The following KCNQ1 variants were observed in gnomAD, a reference collection of about 807,000 sequenced individuals.
KCNQ1 encodes the protein potassium voltage-gated channel subfamily Q member 1.
Under a neutral mutation model 72.4 loss-of-function variants are expected in KCNQ1, and 49 were observed. The ratio of observed to expected loss-of-function variants is 0.68; its 90% CI spans 0.54 to 0.86. The LOEUF is 0.86. Among genes scored for constraint, KCNQ1 ranks in the 40% least tolerant of loss-of-function variants. The probability of loss-of-function intolerance (pLI) is 0.00; values close to 1 mark genes in which losing one functional copy is unlikely to be tolerated. For missense variants in KCNQ1, 790 were observed against 945.1 expected (o/e 0.84, Z 2.15); for synonymous variants, 450 against 412.6 (o/e 1.09, Z -1.10).
intron 15 of KCNQ1, among the ~76,000 whole-genome samples, chr11:2,780,889 G>C (rs1846811323): frequency 6.6e-6 from 1 of 152,172 alleles, no homozygotes. Context: ...TGACAGTGCA[G>C]TGTCTGCTCC....
rs1344170569 is a variant in KCNQ1 at position 2,538,203 on chromosome 11, G to T, written c.477+10185G>T. On this transcript the variant is annotated intron_variant, in intron 2 of 15. Transcript: ENST00000155840. The surrounding 1 kb of genome is among the most constrained non-coding windows in gnomAD (Gnocchi z 6.7). ...CTCGTCACTGGTCCCAGTGAGTGTGGCTGGTTTTTTCTCATTGCACATGGC... is the reference window on the plus strand; with the variant it reads ...CTCGTCACTGGTCCCAGTGAGTGTGTCTGGTTTTTTCTCATTGCACATGGC... 6.6e-6 allele frequency among the ~76,000 whole-genome samples: 1 copy of T among 152,226 alleles called. No homozygotes were observed. The highest frequency in any genetic ancestry group is 1.9e-4 in the East Asian group (1 of 5,196).
rs1445305144 is a variant in KCNQ1, at chr11:2,483,096, T to G, written c.386+37612T>G. Among the ~76,000 whole-genome samples the G allele has an allele frequency of 1.3e-5, 2 of 152,126 alleles. No individual in the cohort carries two copies. Among genetic ancestry groups the G allele is most frequent in the Non-Finnish European group, 2.9e-5 (2 of 68,020 alleles). ...TGGAATTGAGGGAGTGGGTGGTGTG[T>G]GCTTCTGCAGGAAGAGCACCCAGAC... On this transcript the variant is annotated intron_variant, in intron 1 of 15. Coordinates refer to ENST00000155840, the MANE Select transcript of KCNQ1 (RefSeq NM_000218.3). The surrounding 1 kb of genome is among the most constrained non-coding windows in gnomAD (Gnocchi z 6.1).
chr11:2,453,129 T>G (rs1270828177), intron 1 of KCNQ1, among the ~76,000 whole-genome samples: 2 of 152,190 alleles, frequency 1.3e-5, no homozygotes, highest in African/African-American at 4.8e-5. Context: ...ATCCCAGCAC[T>G]TTGGGAGGCC....
chr11:2,464,660 G>A lies in KCNQ1; in HGVS notation c.386+19176G>A, dbSNP rs1846326492. On this transcript the variant is annotated intron_variant, in intron 1 of 15. Transcript: ENST00000155840. The surrounding 1 kb of genome is among the most constrained non-coding windows in gnomAD (Gnocchi z 5.0). ...GGGGGGGTGGGCAGTGCCTCTGTGT[G>A]GCAGATTCCAGCTTCTCTCAGGGGC... Among the ~76,000 whole-genome samples the A allele has an allele frequency of 6.6e-6, 1 of 152,150 alleles. No homozygotes were observed. The highest frequency in any genetic ancestry group is 2.4e-5 in the African/African-American group (1 of 41,426).
rs1815881935 is a variant in KCNQ1 at position 2,762,203 on chromosome 11, T to A, written c.1515-6641T>A. Among the ~76,000 whole-genome samples, 1 of 152,186 alleles carries A rather than the reference T, an allele frequency of 6.6e-6. No homozygotes were observed. The highest frequency in any genetic ancestry group is 2.1e-4 in the South Asian group (1 of 4,834). ...TGGGAGGGGGGCCTTCATGAGACCA[T>A]CACGGAGATCTTGGGGCCTCCAATT... On this transcript the variant is annotated intron_variant, in intron 11 of 15. Transcript: ENST00000155840. The surrounding 1 kb of genome is among the most constrained non-coding windows in gnomAD (Gnocchi z 4.3).
Position 2,768,757 on chromosome 11 carries a change from G to T in KCNQ1, c.1515-87G>T. On this transcript the variant is annotated intron_variant, in intron 11 of 15. Transcript: ENST00000155840. This position sits in a 1 kb window ranked among gnomAD's most constrained non-coding sequence, Gnocchi z 6.7. ...CCTTGTTTCTGGAAGGATCCAGTCT[G>T]CGTGCTCCTCAGGCAGTGCAGGGGC... 1 of 982,210 alleles carries T rather than the reference G, an allele frequency of 1.0e-6. No individual in the cohort carries two copies. Among genetic ancestry groups the T allele is most frequent in the Non-Finnish European group, 1.7e-6 (1 of 605,002 alleles). The allele number at this position is 982,210 out of a possible 1,614,324, so 60.8% of individuals were successfully genotyped here.
At chr11:2,648,181 G>A (rs1849696450) in intron 10 of KCNQ1, 1 of 394,560 alleles carries the variant, frequency 2.5e-6, no homozygotes. Context: ...CTCTAGCCTG[G>A]GTGACAGAGT....
chr11:2,493,767 G>T lies in KCNQ1; in HGVS notation c.387-34161G>T, dbSNP rs560298309. Among the ~76,000 whole-genome samples, 7 of 152,170 alleles carry T rather than the reference G, an allele frequency of 4.6e-5. No individual in the cohort carries two copies. The highest frequency in any genetic ancestry group is 7.4e-5 in the Non-Finnish European group (5 of 68,024). ...TTACTATAGCCTTGTAGTATAGTTT[G>T]AAGTCAGGTAGTGTGATGCCTCCAG... On this transcript the variant is annotated intron_variant, in intron 1 of 15. Transcript: ENST00000155840. The surrounding 1 kb of genome is among the most constrained non-coding windows in gnomAD (Gnocchi z 5.3).
chr11:2,628,997 G>A (rs1439062692), intron 10 of KCNQ1: 6 of 398,022 alleles, frequency 1.5e-5, no homozygotes, highest in African/African-American at 1.2e-4. Flanking sequence ...CCATAACTTT[G>A]AAATATAATT....
At chr11:2,717,038 C>A (rs954851205) in intron 11 of KCNQ1, among the ~76,000 whole-genome samples, 2 of 152,184 alleles carry the variant, frequency 1.3e-5, no homozygotes, top group African/African-American at 4.8e-5. Flanking sequence ...TGACAAACAG[C>A]CCCCCAGATG....
At chr11:2,631,186 A>G in intron 10 of KCNQ1, 3 of 398,404 alleles carry the variant, frequency 7.5e-6, no homozygotes, top group Admixed American at 4.4e-5. Flanking sequence ...TCTACCCTTT[A>G]CCTCTCTACT....
intron 10 of KCNQ1, chr11:2,640,733 G>A (rs914590589): frequency 2.5e-6 from 1 of 398,014 alleles, no homozygotes; most frequent in Non-Finnish European, 4.4e-6. Context: ...ACATTATATT[G>A]TTAAATATAG....
intron 11 of KCNQ1, among the ~76,000 whole-genome samples, chr11:2,705,195 G>A (rs1850885908): frequency 6.6e-6 from 1 of 152,208 alleles, no homozygotes; most frequent in Admixed American, 6.5e-5. Flanking sequence ...CTCCCAGCCT[G>A]TCCTCACAGG....
Position 2,815,464 on chromosome 11 carries a change from G to A in KCNQ1, c.1795-32303G>A, listed in dbSNP as rs1439119182. ...TCCTGGCCCTGTGGGGTCGGAGGAGGTCCTGGGAGCCCACCTCCTGTAGAT... is the reference window on the plus strand; with the variant it reads ...TCCTGGCCCTGTGGGGTCGGAGGAGATCCTGGGAGCCCACCTCCTGTAGAT... On this transcript the variant is annotated intron_variant, in intron 15 of 15. Coordinates refer to ENST00000155840, the MANE Select transcript of KCNQ1 (RefSeq NM_000218.3). The surrounding 1 kb of genome is among the most constrained non-coding windows in gnomAD (Gnocchi z 5.4). 6.6e-6 allele frequency among the ~76,000 whole-genome samples: 1 copy of A among 152,132 alleles called. No individual in the cohort carries two copies. The highest frequency in any genetic ancestry group is 1.5e-5 in the Non-Finnish European group (1 of 68,010).
intron 2 of KCNQ1, among the ~76,000 whole-genome samples, chr11:2,556,175 G>T (rs4930123): frequency 0.4 from 60,265 of 152,076 alleles, 12,254 homozygotes; most frequent in South Asian, 0.57. Context: ...CCCCCCGGCC[G>T]GCAAGTCCAT....
Position 2,624,921 on chromosome 11 carries a change from A to AT in KCNQ1, c.1393+36075dup, listed in dbSNP as rs143192030. The AT allele has an allele frequency of 0.013, 5,106 of 398,158 alleles. 156 individuals carry two copies. Among genetic ancestry groups the AT allele is most frequent in the East Asian group, 0.079 (2,211 of 28,040 alleles). 24.7% of individuals were successfully genotyped at this position (398,158 alleles called of 1,614,324 possible). A position where few individuals can be genotyped will look rare whatever the true frequency, so the allele number is the denominator to read the frequency against. ...TGTTGTGGCATGTGTCAAAATTTCT[A>AT]TTTTTTTTAAAGCTGAATAATATTA... On this transcript the variant is annotated intron_variant, in intron 10 of 15. Coordinates refer to ENST00000155840, the MANE Select transcript of KCNQ1 (RefSeq NM_000218.3). The surrounding 1 kb of genome is among the most constrained non-coding windows in gnomAD (Gnocchi z 4.9).
rs1848197092 is a variant in KCNQ1 at position 2,563,023 on chromosome 11, T to A, written c.478-7605T>A. ...CCTTTATGTTTTGCAAAAAAATCTA[T>A]ATATTTCATCCAGAGAGACAGGATG... On this transcript the variant is annotated intron_variant, in intron 2 of 15. Coordinates refer to ENST00000155840, the MANE Select transcript of KCNQ1 (RefSeq NM_000218.3). This position sits in a 1 kb window ranked among gnomAD's most constrained non-coding sequence, Gnocchi z 7.4. Among the ~76,000 whole-genome samples, 1 of 152,174 alleles carries A rather than the reference T, an allele frequency of 6.6e-6. No homozygotes were observed. Among genetic ancestry groups the A allele is most frequent in the South Asian group, 2.1e-4 (1 of 4,824 alleles).
Position 2,659,154 on chromosome 11 carries a change from G to A in KCNQ1, c.1394-2807G>A, listed in dbSNP as rs1849905479. 7.5e-6 allele frequency: 3 copies of A among 398,580 alleles called. No homozygotes were observed. The highest frequency in any genetic ancestry group is 4.4e-6 in the Non-Finnish European group (1 of 226,056). 24.7% of individuals were successfully genotyped at this position (398,580 alleles called of 1,614,324 possible). ...AGTAAAATCCACTCTTTGAGATTCA[G>A]TTCTGTGGGTTTTGACAGATGTCTG... On this transcript the variant is annotated intron_variant, in intron 10 of 15. Coordinates refer to ENST00000155840, the MANE Select transcript of KCNQ1 (RefSeq NM_000218.3). This position sits in a 1 kb window ranked among gnomAD's most constrained non-coding sequence, Gnocchi z 4.3.
chr11:2,848,102 G>T lies in KCNQ1; in HGVS notation c.*99G>T. The T allele has an allele frequency of 3.0e-6, 3 of 1,008,622 alleles. No homozygotes were observed. Among genetic ancestry groups the T allele is most frequent in the Non-Finnish European group, 4.5e-6 (3 of 666,168 alleles). The allele number at this position is 1,008,622 out of a possible 1,614,324, so 62.5% of individuals were successfully genotyped here. A position where few individuals can be genotyped will look rare whatever the true frequency, so the allele number is the denominator to read the frequency against. On this transcript the variant is annotated 3_prime_UTR_variant, in exon 16 of 16. Coordinates refer to ENST00000155840, the MANE Select transcript of KCNQ1 (RefSeq NM_000218.3). ...AGGAGGCCACCTCCTAAAAGGCCCA[G>T]AGAGAAGAGCCCCACTCTCAGAGGC...
Sources: allele counts gnomAD v4.1 joint callset (sites outside exome capture counted in the v4.1 genomes callset), GRCh38; gene constraint gnomAD v4.1.1; non-coding constraint Gnocchi (gnomAD v3.1); transcripts MANE v1.5; gene names NCBI Gene and HGNC (gene_info 2026-07-23, HGNC 2026-07-21).